Variants in AKR1C3 observed in about 807,000 individuals in gnomAD.
The protein encoded by AKR1C3 is aldo-keto reductase family 1 member C3.
A neutral mutation model predicts 43.6 loss-of-function variants in AKR1C3; 48 were observed. That is an observed-to-expected ratio of 1.10 (90% confidence interval 0.87 to 1.40). The LOEUF (loss-of-function observed/expected upper bound fraction) is 1.40, where lower values mean the gene tolerates loss of function less well. AKR1C3 is among the 40% of genes most tolerant of loss of function. The pLI is 0.00. For synonymous variants in AKR1C3, 162 were observed against 139.6 expected, an observed-to-expected ratio of 1.16 and a Z score of -1.13; for missense variants, 482 against 391.2, an observed-to-expected ratio of 1.23 and a Z score of -1.96.
At chr10:5,055,317 T>C (rs1838236567) in intron 1 of AKR1C3, among the ~76,000 whole-genome samples, 2 of 152,202 alleles carry the variant, frequency 1.3e-5, no homozygotes, top group South Asian at 4.1e-4. Flanking sequence ...TCATGCTCAA[T>C]TGGTTCCCCA....
In AKR1C3 at chr10:5,097,373, A is replaced by ATC. The variant is rs1839230804; in HGVS notation, c.253-61_253-60insTC. 4 of 1,583,604 alleles carry ATC rather than the reference A, an allele frequency of 2.5e-6. No individual in the cohort carries two copies. The Admixed American group carries it at 7.3e-5, about 29-fold the overall frequency. On this transcript the variant is annotated intron_variant, in intron 2 of 8. Coordinates refer to ENST00000380554, the MANE Select transcript of AKR1C3 (RefSeq NM_003739.6). ...AAAATATCTAAATACTAGATGGCAC[A>ATC]AAGTAATAAGATTTGCTCAAGCATT...
At chr10:5,058,644 C>A (rs1838313282) in intron 1 of AKR1C3, among the ~76,000 whole-genome samples, 1 of 152,198 alleles carries the variant, frequency 6.6e-6, no homozygotes, top group Admixed American at 6.5e-5. Flanking sequence ...GTGGAAACAA[C>A]CCCTGCCCAA....
intron 1 of AKR1C3, among the ~76,000 whole-genome samples, chr10:5,059,778 T>TCTCA (rs1162755695): frequency 6.6e-6 from 1 of 151,832 alleles, no homozygotes; most frequent in Admixed American, 6.6e-5. Flanking sequence ...TAGCTGATGG[T>TCTCA]CTCACCCCTC....
In AKR1C3 at chr10:5,107,385, GCTT is replaced by G; in HGVS notation, c.930-74_930-72del. The G allele has an allele frequency of 1.9e-6, 2 of 1,056,160 alleles. 1 individual carries two copies. 65.4% of individuals were successfully genotyped at this position (1,056,160 alleles called of 1,614,324 possible). ...CAACTTAACATTCATACTAATGACA[GCTT>G]CATTGAAATCACTTTACTACTCCCC... is the stretch of plus-strand genomic sequence containing the variant. On this transcript the variant is annotated intron_variant, in intron 8 of 8. Coordinates refer to ENST00000380554, the MANE Select transcript of AKR1C3 (RefSeq NM_003739.6).
intron 3 of AKR1C3, 125 bp from the exon 4 acceptor site, chr10:5,098,677 T>G (rs1393923274): frequency 1.3e-6 from 1 of 741,784 alleles, no homozygotes; most frequent in African/African-American, 1.8e-5. Flanking sequence ...TTAGCACATA[T>G]CACTTTCTGG....
intron 5 of AKR1C3, among the ~76,000 whole-genome samples, chr10:5,100,181 C>T (rs565830850): frequency 1.3e-5 from 2 of 152,300 alleles, no homozygotes; most frequent in South Asian, 4.1e-4. Flanking sequence ...GTAATCCCAG[C>T]TACTTGGGAG....
At chr10:5,081,462 A>G (rs1447497398) in intron 1 of AKR1C3, among the ~76,000 whole-genome samples, 1 of 152,184 alleles carries the variant, frequency 6.6e-6, no homozygotes, top group Non-Finnish European at 1.5e-5. Context: ...TTCCTCCAAA[A>G]TAAGCACTTG....
chr10:5,074,930 CCT>C (rs1188237757), intron 1 of AKR1C3, among the ~76,000 whole-genome samples: 1 of 152,150 alleles, frequency 6.6e-6, no homozygotes, highest in Non-Finnish European at 1.5e-5. Context: ...TCCTCTGCCC[CCT>C]GTTGTTGATG....
chr10:5,095,840 G>C (rs1460076292), intron 1 of AKR1C3, among the ~76,000 whole-genome samples: 1 of 152,104 alleles, frequency 6.6e-6, no homozygotes, highest in African/African-American at 2.4e-5. Flanking sequence ...TAGCCAGAAT[G>C]ACTATGCAGA....
Position 5,096,079 on chromosome 10 carries a change from A to C in AKR1C3, c.85-331A>C, listed in dbSNP as rs190270479. On this transcript the variant is annotated intron_variant, in intron 1 of 8. Coordinates refer to ENST00000380554, the MANE Select transcript of AKR1C3 (RefSeq NM_003739.6). ...TTGCACCGTTTCCCTTCTATACTCC[A>C]TGTGATTTTTACCATGTATAATATC... The C allele has an allele frequency of 9.4e-5, 18 of 191,770 alleles. 1 individual carries two copies. Among genetic ancestry groups the C allele is most frequent in the South Asian group, 2.5e-4 (2 of 8,026 alleles). 11.9% of individuals were successfully genotyped at this position (191,770 alleles called of 1,614,324 possible).
intron 1 of AKR1C3, among the ~76,000 whole-genome samples, chr10:5,056,140 G>C (rs1189113888): frequency 5.3e-5 from 8 of 152,128 alleles, no homozygotes; most frequent in African/African-American, 1.9e-4. Flanking sequence ...ACATATTGAA[G>C]GACCAGAGTG....
chr10:5,090,623 C>T (rs1431884153), upstream of AKR1C3, among the ~76,000 whole-genome samples: 3 of 152,132 alleles, frequency 2.0e-5, no homozygotes, highest in Admixed American at 1.3e-4. Context: ...AGAGGCTCCA[C>T]CTTTCAGCAC....
upstream of AKR1C3, among the ~76,000 whole-genome samples, chr10:5,093,018 A>G (rs1232136115): frequency 2.0e-5 from 3 of 152,006 alleles, no homozygotes; most frequent in Non-Finnish European, 4.4e-5. Flanking sequence ...CTTGTCAGCA[A>G]TTTTCTGAAC....
rs781820694 is a variant in AKR1C3, at chr10:5,097,570, A to G, written c.369+20A>G. 1 of 1,613,088 alleles carries G rather than the reference A, an allele frequency of 6.2e-7. No homozygotes were observed. ...CTAAAGGTATGCAGTTTGTATGAGC[A>G]TAAAATTGCGCTTCTGCTGTCATTA... On this transcript the variant is annotated intron_variant, in intron 3 of 8. Coordinates refer to ENST00000380554, the MANE Select transcript of AKR1C3 (RefSeq NM_003739.6).
At position 5,058,068 on chromosome 10, in the gene AKR1C3, C is replaced by T. The variant is rs188490461; in HGVS notation, c.84+9173C>T. The stretch of plus-strand genomic sequence containing the variant: ...CCCCTACAGCTTGAAGGGGACATAA[C>T]CAATAGCCCGGGGGGTTTTGTGGTC... On this transcript the variant is annotated intron_variant, in intron 1 of 8. Coordinates refer to the AKR1C3 transcript ENST00000439082. Among the ~76,000 whole-genome samples, 860 of 152,224 alleles carry T rather than the reference C, an allele frequency of 5.6e-3. 8 individuals carry two copies. The highest frequency in any genetic ancestry group is 0.02 in the Middle Eastern group (6 of 294).
At position 5,107,684 on chromosome 10, in the gene AKR1C3, T is replaced by A. The variant is rs1296972376; in HGVS notation, c.*181T>A. On this transcript the variant is annotated 3_prime_UTR_variant, in exon 9 of 9. Coordinates refer to ENST00000380554, the MANE Select transcript of AKR1C3 (RefSeq NM_003739.6). ...ACAATAAATTTTTATCATTTTGAAA[T>A]AATTGAATGTTTTCTCAAAGATTCT... 1.8e-5 allele frequency: 10 copies of A among 554,126 alleles called. No individual in the cohort carries two copies. The highest frequency in any genetic ancestry group is 1.8e-4 in the African/African-American group (9 of 50,930). 34.3% of individuals were successfully genotyped at this position (554,126 alleles called of 1,614,324 possible).
chr10:5,055,510 AT>A (rs1482968003), intron 1 of AKR1C3, among the ~76,000 whole-genome samples: 2 of 152,296 alleles, frequency 1.3e-5, no homozygotes, highest in African/African-American at 4.8e-5. Flanking sequence ...TCCTTGTATT[AT>A]TTTGATAGCC....
chr10:5,095,912 G>A (rs72774015), intron 1 of AKR1C3, among the ~76,000 whole-genome samples: 10,135 of 152,072 alleles, frequency 0.067, 382 homozygotes, highest in Middle Eastern at 0.088. Context: ...TAGTTGGGTC[G>A]ATGTAACTAG....
rs529722917 is a variant in AKR1C3, at chr10:5,060,851, C to T, written c.84+11956C>T. ...GCCCTGTGGGGAGACAGCTAAGGCCCGGCAAGAAATTGAGCACAGCAGCTG... is the reference window on the plus strand; with the variant it reads ...GCCCTGTGGGGAGACAGCTAAGGCCTGGCAAGAAATTGAGCACAGCAGCTG... On this transcript the variant is annotated intron_variant, in intron 1 of 8. Transcript: ENST00000439082. Among the ~76,000 whole-genome samples the T allele has an allele frequency of 1.7e-3, 257 of 152,336 alleles. 1 individual carries two copies. Among genetic ancestry groups the T allele is most frequent in the Admixed American group, 3.9e-3 (60 of 15,306 alleles).
Sources: allele counts gnomAD v4.1 joint callset (sites outside exome capture counted in the v4.1 genomes callset), GRCh38; gene constraint gnomAD v4.1.1; transcripts MANE v1.5; gene names NCBI Gene and HGNC (gene_info 2026-07-23, HGNC 2026-07-21).